The following SGK1 variants were observed in gnomAD, a reference collection of about 807,000 sequenced individuals.
SGK1 encodes the protein serum/glucocorticoid regulated kinase 1.
SGK1 carries 26 observed loss-of-function variants against 64.2 expected under a neutral mutation model. The ratio of observed to expected loss-of-function variants is 0.40; its 90% confidence interval spans 0.30 to 0.56. The LOEUF (loss-of-function observed/expected upper bound fraction) is 0.56. Among genes scored for constraint, SGK1 ranks in the 20% least tolerant of loss-of-function variants. SGK1 has a pLI of 0.38. For missense variants in SGK1, 519 were observed against 645.6 expected (o/e 0.80, Z 2.12); for synonymous variants, 265 against 239.7 (o/e 1.11, Z -0.98).
At chr6:134,226,753 G>A (rs7749512) in intron 2 of SGK1, among the ~76,000 whole-genome samples, 1,932 of 152,110 alleles carry the variant, frequency 0.013, 44 homozygotes, top group African/African-American at 0.044. Flanking sequence ...GTCTTGTTAT[G>A]TTGTCCAGCC....
chr6:134,198,726 A>ATTTTTTTTTTTTTTTTTTTTT (rs1178699258), intron 3 of SGK1, among the ~76,000 whole-genome samples: 1 of 101,780 alleles, frequency 9.8e-6, no homozygotes, highest in Non-Finnish European at 1.9e-5. Flanking sequence ...CTCTTTTTCT[A>ATTTTTTTTTTTTTTTTTTTTT]TTTTTTTTTT....
chr6:134,231,303 C>T (rs1776275141), intron 2 of SGK1, among the ~76,000 whole-genome samples: 1 of 152,148 alleles, frequency 6.6e-6, no homozygotes, highest in Non-Finnish European at 1.5e-5. Flanking sequence ...AATGCTTTGT[C>T]CACATATATT....
intron 1 of SGK1, among the ~76,000 whole-genome samples, chr6:134,271,431 G>T (rs1175296492): frequency 6.8e-6 from 1 of 147,604 alleles, no homozygotes; most frequent in South Asian, 2.2e-4. Flanking sequence ...ATTATTTTAG[G>T]TACTATCTCT....
At chr6:134,173,402 G>A (rs1775097716) in intron 6 of SGK1, 45 bp from the exon 7 acceptor site, 7 of 1,586,108 alleles carry the variant, frequency 4.4e-6, no homozygotes, top group Non-Finnish European at 6.1e-6. Flanking sequence ...CCTCATCCAG[G>A]GAGAATACAA....
At chr6:134,317,061 A>T (rs1428357647) in intron 1 of SGK1, among the ~76,000 whole-genome samples, 3 of 152,202 alleles carry the variant, frequency 2.0e-5, no homozygotes, top group Non-Finnish European at 2.9e-5. Context: ...CTAAATTACT[A>T]GCCATAATTG....
chr6:134,244,292 G>C (rs1191215634), intron 2 of SGK1, among the ~76,000 whole-genome samples: 2 of 152,160 alleles, frequency 1.3e-5, no homozygotes, highest in Admixed American at 6.5e-5. Flanking sequence ...TCCCTGCAAA[G>C]GATAAGAACT....
Position 134,219,678 on chromosome 6 carries a change from T to C in SGK1, c.286-12247A>G, listed in dbSNP as rs536193202. Among the ~76,000 whole-genome samples, 18 of 146,844 alleles carry C rather than the reference T, an allele frequency of 1.2e-4. No individual in the cohort carries two copies. The South Asian group carries it at 3.5e-3, about 28-fold the overall frequency. ...GGGAGGCAGAGGCAGGAGAATCGCT[T>C]GAATGAGGGAGGCAGAGGTTGCGGT... is the stretch of plus-strand genomic sequence containing the variant. On this transcript the variant is annotated intron_variant, in intron 2 of 13. Coordinates refer to ENST00000367858, the MANE Select transcript of SGK1 (RefSeq NM_001143676.3).
Position 134,170,156 on chromosome 6 carries a change from G to T in SGK1, c.*112C>A. 1 of 878,886 alleles carries T rather than the reference G, an allele frequency of 1.1e-6. No homozygotes were observed. The highest frequency in any genetic ancestry group is 1.8e-6 in the Non-Finnish European group (1 of 569,670). 54.4% of individuals were successfully genotyped at this position (878,886 alleles called of 1,614,324 possible). A position where few individuals can be genotyped will look rare whatever the true frequency, so the allele number is the denominator to read the frequency against. ...GCAATAAGATTGCTAAGCTTCCAGAGATGTGCAAATTCTCTTGTAAGATGT... is the reference window on the plus strand; with the variant it reads ...GCAATAAGATTGCTAAGCTTCCAGATATGTGCAAATTCTCTTGTAAGATGT... On this transcript the variant is annotated 3_prime_UTR_variant, in exon 14 of 14. Transcript: ENST00000367858.
chr6:134,222,393 T>C (rs1776102955), intron 2 of SGK1, among the ~76,000 whole-genome samples: 1 of 151,124 alleles, frequency 6.6e-6, no homozygotes, highest in Non-Finnish European at 1.5e-5. Context: ...TGGAGTGCAA[T>C]GGCGCAATCT....
chr6:134,217,648 G>A (rs1270656261), intron 2 of SGK1, among the ~76,000 whole-genome samples: 1 of 152,194 alleles, frequency 6.6e-6, no homozygotes, highest in African/African-American at 2.4e-5. Context: ...TAAAGATGAT[G>A]GTTTGGACCA....
chr6:134,270,844 T>G (rs1776927986), intron 1 of SGK1, among the ~76,000 whole-genome samples: 1 of 148,094 alleles, frequency 6.8e-6, no homozygotes, highest in Admixed American at 6.9e-5. Flanking sequence ...TGCTTGCCTG[T>G]TCTTCTAGCT....
intron 3 of SGK1, chr6:134,175,031 T>C: frequency 1.3e-6 from 1 of 794,124 alleles, no homozygotes; most frequent in African/African-American, 1.8e-5. Context: ...CTGTCCCCAT[T>C]GAGAGGGCGA....
intron 2 of SGK1, among the ~76,000 whole-genome samples, chr6:134,226,355 T>TG (rs1365232744): frequency 1.4e-5 from 2 of 143,136 alleles, no homozygotes; most frequent in African/African-American, 2.7e-5. Flanking sequence ...TCCAAAAAGG[T>TG]GTTTTTTTTT....
At chr6:134,203,220 G>A (rs1775713303) in intron 3 of SGK1, among the ~76,000 whole-genome samples, 1 of 152,168 alleles carries the variant, frequency 6.6e-6, no homozygotes, top group African/African-American at 2.4e-5. Flanking sequence ...CCCAGCCTGG[G>A]CAACAGAGTG....
At chr6:134,174,432 A>C (rs745448222) in intron 4 of SGK1, 79 bp downstream of exon 4, 4 of 1,039,686 alleles carry the variant, frequency 3.8e-6, no homozygotes, top group Non-Finnish European at 5.9e-6. Context: ...CGCCTTCCCG[A>C]TAAACGCCGT....
intron 1 of SGK1, among the ~76,000 whole-genome samples, chr6:134,317,145 A>C (rs1320104773): frequency 6.6e-6 from 1 of 152,000 alleles, no homozygotes; most frequent in East Asian, 1.9e-4. Flanking sequence ...CCCCATTCCC[A>C]GCTCAAACCC....
intron 8 of SGK1, 79 bp downstream of exon 8, chr6:134,172,944 T>C: frequency 1.3e-6 from 2 of 1,512,170 alleles, no homozygotes; most frequent in Non-Finnish European, 1.8e-6. Flanking sequence ...CCAAAAATCT[T>C]TGAAAACTTT....
At chr6:134,189,655 G>T (rs1034796911) in intron 3 of SGK1, among the ~76,000 whole-genome samples, 1 of 152,100 alleles carries the variant, frequency 6.6e-6, no homozygotes, top group African/African-American at 2.4e-5. Flanking sequence ...TAATTCCTTA[G>T]AGCACAAGCA....
At chr6:134,314,007 C>T (rs1777642146) in intron 1 of SGK1, among the ~76,000 whole-genome samples, 1 of 152,122 alleles carries the variant, frequency 6.6e-6, no homozygotes. Flanking sequence ...TTTGGAGACT[C>T]TTAAGAGTAA....
Sources: allele counts gnomAD v4.1 joint callset (sites outside exome capture counted in the v4.1 genomes callset), GRCh38; gene constraint gnomAD v4.1.1; transcripts MANE v1.5; gene names NCBI Gene and HGNC (gene_info 2026-07-23, HGNC 2026-07-21).